The following ARHGAP31 variants were observed in gnomAD, a reference collection of about 807,000 sequenced individuals.
ARHGAP31 encodes the protein rho GTPase-activating protein 31.
Under a neutral mutation model 113.9 loss-of-function variants are expected in ARHGAP31, and 34 were observed. That is an observed-to-expected ratio of 0.30 (90% confidence interval 0.23 to 0.40). The LOEUF (loss-of-function observed/expected upper bound fraction) is 0.40. ARHGAP31 is among the 10% of genes least tolerant of loss of function. The pLI is 1.00. For missense variants in ARHGAP31, 1,548 were observed against 1,767.1 expected (o/e 0.88, Z 2.22); for synonymous variants, 650 against 684.8 (o/e 0.95, Z 0.79).
At chr3:119,379,023 C>T (rs1357357408) in intron 3 of ARHGAP31, among the ~76,000 whole-genome samples, 2 of 152,208 alleles carry the variant, frequency 1.3e-5, no homozygotes, top group Non-Finnish European at 2.9e-5. Context: ...AAGATTCCCA[C>T]ATAGAGAAGT....
intron 1 of ARHGAP31, among the ~76,000 whole-genome samples, chr3:119,296,971 C>T (rs1026129182): frequency 2.6e-5 from 4 of 152,116 alleles, no homozygotes; most frequent in African/African-American, 9.7e-5. Context: ...GATATTTTCC[C>T]CCTAAATTGA....
At chr3:119,391,415 T>C (rs1398535481) in intron 7 of ARHGAP31, among the ~76,000 whole-genome samples, 1 of 152,064 alleles carries the variant, frequency 6.6e-6, no homozygotes, top group Non-Finnish European at 1.5e-5. Flanking sequence ...ATGGTGTCAC[T>C]AGGCTGATAG....
chr3:119,309,216 A>G (rs1286650924), intron 1 of ARHGAP31, among the ~76,000 whole-genome samples: 2 of 152,206 alleles, frequency 1.3e-5, no homozygotes, highest in African/African-American at 2.4e-5. Flanking sequence ...AAAATGGACA[A>G]ACGGAAAGCC....
In ARHGAP31 at chr3:119,417,238, C is replaced by T. The variant is rs554976266; in HGVS notation, c.*974C>T. ...TAATGTGTTTAAATTGGTGGGGCAC[C>T]AGCAGAAAATATTCTAGCTCAGCTT... is the stretch of plus-strand genomic sequence containing the variant. On this transcript the variant is annotated 3_prime_UTR_variant, in exon 12 of 12. Transcript: ENST00000264245. 2 of 65,858 alleles carry T rather than the reference C, an allele frequency of 3.0e-5. No individual in the cohort carries two copies. The highest frequency in any genetic ancestry group is 1.5e-3 in the East Asian group (2 of 1,340). 4.1% of individuals were successfully genotyped at this position (65,858 alleles called of 1,614,324 possible). A position where few individuals can be genotyped will look rare whatever the true frequency, so the allele number is the denominator to read the frequency against.
intron 3 of ARHGAP31, among the ~76,000 whole-genome samples, chr3:119,369,282 G>C (rs1350859670): frequency 1.3e-5 from 2 of 152,216 alleles, no homozygotes; most frequent in African/African-American, 4.8e-5. Context: ...AGTTGGCAAA[G>C]AGGGATGAGG....
rs575721989 is a variant in ARHGAP31 at position 119,317,256 on chromosome 3, G to A, written c.100+22252G>A. 2.6e-5 allele frequency among the ~76,000 whole-genome samples: 4 copies of A among 151,538 alleles called. No homozygotes were observed. In the South Asian group the frequency reaches 8.3e-4, roughly 31 times the overall value. Reference sequence around the variant, plus strand: ...TGCAGTGGCGCGATCTCAGCTCACTGCAAGCTCCGCCTCCTGGGTTCACGC... The same window carrying A: ...TGCAGTGGCGCGATCTCAGCTCACTACAAGCTCCGCCTCCTGGGTTCACGC... On this transcript the variant is annotated intron_variant, in intron 1 of 11. Coordinates refer to ENST00000264245, the MANE Select transcript of ARHGAP31 (RefSeq NM_020754.4).
At chr3:119,389,118 A>G (rs1473439092) in intron 6 of ARHGAP31, among the ~76,000 whole-genome samples, 1 of 152,130 alleles carries the variant, frequency 6.6e-6, no homozygotes, top group Admixed American at 6.5e-5. Context: ...CCGAGATTGC[A>G]CCACTGCAGT....
intron 1 of ARHGAP31, among the ~76,000 whole-genome samples, chr3:119,307,939 G>GAAAAAAAAAAAAA (rs1559961514): frequency 0.012 from 20 of 1,644 alleles, 2 homozygotes; most frequent in African/African-American, 0.035. Context: ...TGAATTAACA[G>GAAAAAAAAAAAAA]CAAAAAAAAA....
intron 6 of ARHGAP31, among the ~76,000 whole-genome samples, chr3:119,384,357 G>A (rs900622725): frequency 3.9e-5 from 6 of 152,156 alleles, no homozygotes; most frequent in African/African-American, 1.4e-4. Context: ...CATTACCGCT[G>A]TCTAATGCCA....
intron 1 of ARHGAP31, among the ~76,000 whole-genome samples, chr3:119,304,965 T>A (rs1423327150): frequency 1.3e-5 from 2 of 152,108 alleles, no homozygotes; most frequent in Non-Finnish European, 2.9e-5. Flanking sequence ...TGGTGCTAAC[T>A]GACCCTCTGT....
At chr3:119,364,113 C>T (rs1490403512) in intron 1 of ARHGAP31, among the ~76,000 whole-genome samples, 1 of 151,842 alleles carries the variant, frequency 6.6e-6, no homozygotes, top group African/African-American at 2.4e-5. Flanking sequence ...ACAGCACAGC[C>T]AGACCCTTCT....
intron 1 of ARHGAP31, among the ~76,000 whole-genome samples, chr3:119,295,711 A>G (rs2079529043): frequency 6.6e-6 from 1 of 151,456 alleles, no homozygotes; most frequent in African/African-American, 2.4e-5. Flanking sequence ...AGTTTAGGGT[A>G]AGTAGAGAAA....
At chr3:119,328,639 C>A (rs1256748563) in intron 1 of ARHGAP31, among the ~76,000 whole-genome samples, 1 of 150,336 alleles carries the variant, frequency 6.7e-6, no homozygotes, top group Non-Finnish European at 1.5e-5. Context: ...CTTTTTCTTT[C>A]TTTCTTTCTT....
At chr3:119,323,611 A>T (rs942874640) in intron 1 of ARHGAP31, among the ~76,000 whole-genome samples, 6 of 152,028 alleles carry the variant, frequency 3.9e-5, no homozygotes, top group Non-Finnish European at 7.4e-5. Flanking sequence ...GCCTCACCTG[A>T]CATACTGTCT....
At chr3:119,295,344 G>T (rs1247098788) in intron 1 of ARHGAP31, among the ~76,000 whole-genome samples, 1 of 151,918 alleles carries the variant, frequency 6.6e-6, no homozygotes, top group African/African-American at 2.4e-5. Flanking sequence ...TTGGAAGGGA[G>T]GGAGGAGGGG....
intron 7 of ARHGAP31, 52 bp from the exon 8 acceptor site, chr3:119,393,415 C>G (rs369345790): frequency 1.9e-5 from 30 of 1,609,660 alleles, no homozygotes; most frequent in African/African-American, 1.6e-4. Flanking sequence ...TTTAAAAGTC[C>G]CCTTGAAATG....
At chr3:119,399,732 T>C (rs138522752) in intron 9 of ARHGAP31, among the ~76,000 whole-genome samples, 1 of 152,386 alleles carries the variant, frequency 6.6e-6, no homozygotes, top group African/African-American at 2.4e-5. Flanking sequence ...GGTAGGTTCA[T>C]TCATGTATCT....
At chr3:119,302,851 C>A (rs1189974625) in intron 1 of ARHGAP31, among the ~76,000 whole-genome samples, 2 of 152,190 alleles carry the variant, frequency 1.3e-5, no homozygotes, top group Non-Finnish European at 1.5e-5. Flanking sequence ...TTGTTTTTCC[C>A]ACAGCCTAAA....
chr3:119,302,497 G>A lies in ARHGAP31; in HGVS notation c.100+7493G>A, dbSNP rs2079592928. ...GAGAAAGGACTTAGACATGAAGTCTGAGTCCCACATCAGGCCTTGTTGTTA... is the reference window on the plus strand; with the variant it reads ...GAGAAAGGACTTAGACATGAAGTCTAAGTCCCACATCAGGCCTTGTTGTTA... On this transcript the variant is annotated intron_variant, in intron 1 of 11. Transcript: ENST00000264245. Among the ~76,000 whole-genome samples the A allele has an allele frequency of 2.0e-5, 3 of 152,228 alleles. No individual in the cohort carries two copies. In the South Asian group the frequency reaches 6.2e-4, roughly 32 times the overall value.
Sources: allele counts gnomAD v4.1 joint callset (sites outside exome capture counted in the v4.1 genomes callset), GRCh38; gene constraint gnomAD v4.1.1; transcripts MANE v1.5; gene names NCBI Gene and HGNC (gene_info 2026-07-23, HGNC 2026-07-21).